GALNT13: variants seen among roughly 807,000 people sequenced by gnomAD.
The protein encoded by GALNT13 is polypeptide N-acetylgalactosaminyltransferase 13, also known as UDP-GalNAc:polypeptide N-acetylgalactosaminyltransferase 13.
A neutral mutation model predicts 64.2 loss-of-function variants in GALNT13; 28 were observed. That is an observed-to-expected ratio of 0.44 (90% CI 0.32 to 0.60). The LOEUF is 0.60. Ranked by LOEUF, GALNT13 falls within the 20% of genes least tolerant of loss-of-function variation. GALNT13 has a pLI of 0.05. For missense variants in GALNT13, 577 were observed against 669.8 expected (o/e 0.86, Z 1.53); for synonymous variants, 214 against 224.6 (o/e 0.95, Z 0.42).
the GALNT13 span, among the ~76,000 whole-genome samples, chr2:153,534,518 C>CTTTTTTTTTTTTTTTTTTTTTTT: frequency 8.1e-6 from 1 of 123,776 alleles, no homozygotes; most frequent in Non-Finnish European, 1.6e-5. Context: ...GCCCCTCTTT[C>CTTTTTTTTTTTTTTTTTTTTTTT]TTTCTTTCTT....
At chr2:153,640,918 A>G in the GALNT13 span, among the ~76,000 whole-genome samples, 1 of 152,122 alleles carries the variant, frequency 6.6e-6, no homozygotes, top group Non-Finnish European at 1.5e-5. Context: ...AAGATGATAA[A>G]ATAGAATTTT....
chr2:153,465,455 A>C, the GALNT13 span, among the ~76,000 whole-genome samples: 2 of 150,894 alleles, frequency 1.3e-5, no homozygotes, highest in Non-Finnish European at 3.0e-5. Flanking sequence ...TGTTTCTTTC[A>C]TTTGATTATC....
At chr2:153,194,454 A>G in the GALNT13 span, among the ~76,000 whole-genome samples, 4 of 151,866 alleles carry the variant, frequency 2.6e-5, no homozygotes, top group African/African-American at 7.3e-5. Flanking sequence ...GTTCTTTTTT[A>G]TGATATCTTT....
chr2:153,338,233 C>T, the GALNT13 span, among the ~76,000 whole-genome samples: 1 of 152,056 alleles, frequency 6.6e-6, no homozygotes, highest in East Asian at 1.9e-4. Flanking sequence ...ATTGAGGCTG[C>T]AGTGAGCTAT....
intron 11 of GALNT13, among the ~76,000 whole-genome samples, chr2:154,428,959 T>G (rs551346208): frequency 1.1e-3 from 170 of 152,208 alleles, no homozygotes; most frequent in Non-Finnish European, 1.7e-3. Context: ...TGCTGCAAAC[T>G]GTACCTATAT....
intron 4 of GALNT13, among the ~76,000 whole-genome samples, chr2:154,160,283 C>T (rs1328179151): frequency 1.3e-5 from 2 of 152,086 alleles, no homozygotes; most frequent in African/African-American, 2.4e-5. Context: ...GTAAAATTCC[C>T]AGCAGACCAA....
chr2:153,494,074 CAAA>C, the GALNT13 span, among the ~76,000 whole-genome samples: 1 of 144,598 alleles, frequency 6.9e-6, no homozygotes, highest in South Asian at 2.2e-4. Context: ...ATAATTTTAG[CAAA>C]AAAAAAATGA....
chr2:154,167,453 T>C (rs1196089226), intron 4 of GALNT13, among the ~76,000 whole-genome samples: 1 of 152,192 alleles, frequency 6.6e-6, no homozygotes, highest in African/African-American at 2.4e-5. Flanking sequence ...TATTCGAATA[T>C]TTGAAAGGCT....
chr2:153,254,823 G>A, the GALNT13 span, among the ~76,000 whole-genome samples: 1 of 152,052 alleles, frequency 6.6e-6, no homozygotes, highest in Non-Finnish European at 1.5e-5. Context: ...ATTACACTGT[G>A]GTCTGAGAGA....
the GALNT13 span, among the ~76,000 whole-genome samples, chr2:153,125,948 GAA>G: frequency 6.6e-6 from 1 of 151,716 alleles, no homozygotes; most frequent in African/African-American, 2.4e-5. Context: ...GGAGAAAAAA[GAA>G]AAAATTAAAA....
At chr2:154,344,475 G>GA (rs1053285567) in intron 9 of GALNT13, among the ~76,000 whole-genome samples, 1 of 95,518 alleles carries the variant, frequency 1.0e-5, no homozygotes, top group Non-Finnish European at 2.8e-5. Flanking sequence ...ACATCATGGG[G>GA]AAAAAATTGT....
At chr2:153,095,835 A>T in the GALNT13 span, among the ~76,000 whole-genome samples, 2 of 152,116 alleles carry the variant, frequency 1.3e-5, no homozygotes, top group African/African-American at 4.8e-5. Flanking sequence ...GGAATTGAAC[A>T]ATGAAACACT....
At chr2:153,246,564 G>A in the GALNT13 span, among the ~76,000 whole-genome samples, 1 of 152,162 alleles carries the variant, frequency 6.6e-6, no homozygotes, top group Non-Finnish European at 1.5e-5. Context: ...CATAAGTGAA[G>A]GAGAAGTAAA....
the GALNT13 span, among the ~76,000 whole-genome samples, chr2:153,436,783 G>A: frequency 6.6e-6 from 1 of 152,102 alleles, no homozygotes; most frequent in Non-Finnish European, 1.5e-5. Flanking sequence ...CCAGCTCCTG[G>A]ATTCACTGAT....
At chr2:153,573,882 T>G in the GALNT13 span, among the ~76,000 whole-genome samples, 1 of 152,250 alleles carries the variant, frequency 6.6e-6, no homozygotes, top group African/African-American at 2.4e-5. Context: ...TACACACCAG[T>G]TACAGTGTTA....
the GALNT13 span, among the ~76,000 whole-genome samples, chr2:153,102,540 T>A: frequency 6.6e-6 from 1 of 152,164 alleles, no homozygotes; most frequent in African/African-American, 2.4e-5. Context: ...ACAAAGAACA[T>A]AGTAAAAATC....
the GALNT13 span, among the ~76,000 whole-genome samples, chr2:153,071,536 T>C: frequency 6.6e-6 from 1 of 152,200 alleles, no homozygotes; most frequent in African/African-American, 2.4e-5. Context: ...ATGGACATTA[T>C]GTAAAGGGGT....
intron 2 of GALNT13, among the ~76,000 whole-genome samples, chr2:153,910,982 T>A (rs1688898440): frequency 1.3e-5 from 2 of 152,228 alleles, no homozygotes; most frequent in South Asian, 4.1e-4. Context: ...CTTTGCTAAC[T>A]TTCCGCCTTG....
chr2:153,588,334 A>G, the GALNT13 span, among the ~76,000 whole-genome samples: 1 of 152,192 alleles, frequency 6.6e-6, no homozygotes, highest in African/African-American at 2.4e-5. Context: ...GCCCTAGCAG[A>G]GGTTCTCCAT....
Sources: gnomAD v4.1 joint callset for allele counts (sites outside exome capture counted in the v4.1 genomes callset) on GRCh38, gnomAD v4.1.1 for gene constraint, MANE v1.5 for transcripts, NCBI Gene and HGNC (gene_info 2026-07-23, HGNC 2026-07-21) for gene names.